NELL1: variants seen among roughly 807,000 people sequenced by gnomAD.
NELL1 encodes protein kinase C-binding protein NELL1.
A neutral mutation model predicts 107.4 loss-of-function variants in NELL1; 76 were observed. The ratio of observed to expected loss-of-function variants is 0.71; its 90% CI spans 0.59 to 0.86. NELL1 has a LOEUF of 0.86. NELL1 is among the 40% of genes least tolerant of loss of function. The pLI is 0.00. For missense variants in NELL1, 1,024 were observed against 1,005.5 expected, an observed-to-expected ratio of 1.02 and a Z score of -0.25; for synonymous variants, 353 against 341.2, an observed-to-expected ratio of 1.03 and a Z score of -0.38.
intron 12 of NELL1, among the ~76,000 whole-genome samples, chr11:20,985,879 T>A (rs568764735): frequency 2.0e-5 from 3 of 152,190 alleles, no homozygotes; most frequent in African/African-American, 7.2e-5. Flanking sequence ...ACAAAAATTA[T>A]GACATTTCCT....
At chr11:20,675,407 G>A (rs566878372) in intron 1 of NELL1, among the ~76,000 whole-genome samples, 32 of 152,284 alleles carry the variant, frequency 2.1e-4, no homozygotes, top group African/African-American at 6.3e-4. Flanking sequence ...CCCCAGATAT[G>A]CATATTGCTC....
At chr11:21,253,779 C>T (rs551844961) in intron 14 of NELL1, among the ~76,000 whole-genome samples, 44 of 151,946 alleles carry the variant, frequency 2.9e-4, no homozygotes, top group Middle Eastern at 3.4e-3. Context: ...AGGGATGTGA[C>T]GGTTAAAACA....
Position 20,928,375 on chromosome 11 carries a change from A to G in NELL1, c.895-2A>G. 6.2e-7 allele frequency: 1 copy of G among 1,613,006 alleles called. No individual in the cohort carries two copies. Among genetic ancestry groups the G allele is most frequent in the Non-Finnish European group, 8.5e-7 (1 of 1,179,044 alleles). Reference sequence around the variant, plus strand: ...TTATGTTCCATGTCCTTCCTTCCTCAGAGTGGTGCCGTGGAATGCCGAAGG... The same window carrying G: ...TTATGTTCCATGTCCTTCCTTCCTCGGAGTGGTGCCGTGGAATGCCGAAGG... On this transcript the variant is annotated splice_acceptor_variant, in intron 8 of 19. Coordinates refer to ENST00000357134, the MANE Select transcript of NELL1 (RefSeq NM_006157.5). LOFTEE classifies it high-confidence loss of function.
At chr11:20,689,054 G>A (rs539175557) in intron 2 of NELL1, among the ~76,000 whole-genome samples, 11 of 152,062 alleles carry the variant, frequency 7.2e-5, no homozygotes, top group Admixed American at 2.0e-4. Context: ...CTTATTGGCC[G>A]CTTATATGTC....
At chr11:20,754,166 T>C (rs1856206801) in intron 2 of NELL1, among the ~76,000 whole-genome samples, 1 of 152,082 alleles carries the variant, frequency 6.6e-6, no homozygotes, top group African/African-American at 2.4e-5. Context: ...AGGGAGTACA[T>C]GACAAGCAGG....
At chr11:21,216,484 A>G (rs1250034949) in intron 13 of NELL1, among the ~76,000 whole-genome samples, 1 of 152,086 alleles carries the variant, frequency 6.6e-6, no homozygotes, top group Non-Finnish European at 1.5e-5. Flanking sequence ...AAACCAGCTC[A>G]TGAAAGCAGC....
intron 12 of NELL1, among the ~76,000 whole-genome samples, chr11:21,093,646 G>T (rs1282984517): frequency 1.3e-5 from 2 of 152,196 alleles, no homozygotes; most frequent in Admixed American, 6.5e-5. Flanking sequence ...TGTAGCTGGG[G>T]AAGCCTCATA....
rs954250173 is a variant in NELL1, at chr11:21,375,555, A to G, written c.1645+4607A>G. ...TCTTTTTGGTAGAAAGATTTGTTTT[A>G]TTTTGGGTATATATACAGTAATGGG... On this transcript the variant is annotated intron_variant, in intron 15 of 19. Coordinates refer to ENST00000357134, the MANE Select transcript of NELL1 (RefSeq NM_006157.5). Among the ~76,000 whole-genome samples the G allele has an allele frequency of 1.1e-4, 16 of 152,158 alleles. 1 individual carries two copies. The South Asian group carries it at 3.1e-3, about 30-fold the overall frequency.
chr11:21,262,441 A>T (rs1038329771), intron 14 of NELL1: 1 of 151,924 alleles, frequency 6.6e-6, no homozygotes, highest in African/African-American at 2.4e-5. Flanking sequence ...TTCTGCTCTG[A>T]TAACTGTCTT....
At chr11:20,922,018 C>T (rs1050055243) in intron 7 of NELL1, among the ~76,000 whole-genome samples, 3 of 151,924 alleles carry the variant, frequency 2.0e-5, no homozygotes, top group African/African-American at 4.8e-5. Flanking sequence ...TTCCTTCTAG[C>T]TGGTGCCAAG....
intron 2 of NELL1, among the ~76,000 whole-genome samples, chr11:20,773,838 T>C (rs1856688686): frequency 6.6e-6 from 1 of 152,092 alleles, no homozygotes; most frequent in South Asian, 2.1e-4. Flanking sequence ...CTTCAGAGCC[T>C]GAGCTCTTAA....
chr11:20,897,873 A>G (rs968927645), intron 5 of NELL1, among the ~76,000 whole-genome samples: 1 of 152,202 alleles, frequency 6.6e-6, no homozygotes, highest in Non-Finnish European at 1.5e-5. Context: ...ATGAGATACC[A>G]TCTCACACCA....
At chr11:21,547,927 T>C (rs1322611335) in intron 16 of NELL1, among the ~76,000 whole-genome samples, 4 of 151,840 alleles carry the variant, frequency 2.6e-5, no homozygotes, top group African/African-American at 7.2e-5. Context: ...CTAAAACTGT[T>C]TGGGGACACA....
intron 15 of NELL1, among the ~76,000 whole-genome samples, chr11:21,391,223 C>T (rs1180930988): frequency 6.6e-6 from 1 of 151,722 alleles, no homozygotes; most frequent in African/African-American, 2.4e-5. Flanking sequence ...TTTTGAGAAA[C>T]TTAATATTGT....
intron 13 of NELL1, among the ~76,000 whole-genome samples, chr11:21,196,324 C>G (rs565359562): frequency 2.4e-4 from 36 of 152,238 alleles, no homozygotes; most frequent in Non-Finnish European, 3.1e-4. Context: ...ATCCAGATGG[C>G]TTAAAAGGAC....
rs550035289 is a variant in NELL1, at chr11:21,048,733, T to G, written c.1301-64856T>G. Among the ~76,000 whole-genome samples the G allele has an allele frequency of 1.1e-4, 16 of 152,242 alleles. No homozygotes were observed. In the South Asian group the frequency reaches 3.3e-3, roughly 32 times the overall value. On this transcript the variant is annotated intron_variant, in intron 12 of 19. Coordinates refer to ENST00000357134, the MANE Select transcript of NELL1 (RefSeq NM_006157.5). Reference sequence around the variant, plus strand: ...TACGATTCTTAGGCTCTCACTTCCCTCCCTTCCCTTCCATGCACATGGAAT... The same window carrying G: ...TACGATTCTTAGGCTCTCACTTCCCGCCCTTCCCTTCCATGCACATGGAAT...
At chr11:21,161,944 C>CTTTTTTTTTTTT (rs34422649) in intron 13 of NELL1, among the ~76,000 whole-genome samples, 4 of 83,062 alleles carry the variant, frequency 4.8e-5, no homozygotes, top group Non-Finnish European at 6.4e-5. Context: ...GGAACATAAT[C>CTTTTTTTTTTTT]TTTTTTTTTT....
intron 12 of NELL1, among the ~76,000 whole-genome samples, chr11:21,067,964 C>T (rs1260662141): frequency 2.6e-5 from 3 of 117,576 alleles, no homozygotes; most frequent in Admixed American, 1.3e-4. Context: ...ACTCGGGAGG[C>T]GGAGGTTGTA....
intron 4 of NELL1, among the ~76,000 whole-genome samples, chr11:20,874,027 A>C (rs567153021): frequency 4.9e-4 from 74 of 152,082 alleles, no homozygotes; most frequent in Middle Eastern, 6.8e-3. Context: ...GGCCTCCCAA[A>C]GTGCTGGGAT....
Sources: allele counts gnomAD v4.1 joint callset (sites outside exome capture counted in the v4.1 genomes callset), GRCh38; gene constraint gnomAD v4.1.1; transcripts MANE v1.5; gene names NCBI Gene and HGNC (gene_info 2026-07-23, HGNC 2026-07-21).